LIPT2: variants seen among roughly 807,000 people sequenced by gnomAD.
LIPT2 encodes the protein lipoyl(octanoyl) transferase 2.
LIPT2 carries 16 observed loss-of-function variants against 16.2 expected under a neutral mutation model. That is an observed-to-expected ratio of 0.99 (90% CI 0.67 to 1.50). The LOEUF (loss-of-function observed/expected upper bound fraction) is 1.50, where lower values mean the gene tolerates loss of function less well. Ranked by LOEUF, LIPT2 falls within the 40% of genes most tolerant of loss-of-function variation. The pLI is 0.00. For missense variants in LIPT2, 424 were observed against 347.7 expected (o/e 1.22, Z -1.75); for synonymous variants, 199 against 169.3 (o/e 1.18, Z -1.36).
rs1253630936 is a variant in LIPT2 at position 74,493,241 on chromosome 11, T to C, written c.463A>G (p.Ile155Val). 6 of 1,346,314 alleles carry C rather than the reference T, an allele frequency of 4.5e-6. No individual in the cohort carries two copies. Among genetic ancestry groups the C allele is most frequent in the Non-Finnish European group, 5.7e-6 (6 of 1,050,366 alleles). 83.4% of individuals were successfully genotyped at this position (1,346,314 alleles called of 1,614,324 possible). A position where few individuals can be genotyped will look rare whatever the true frequency, so the allele number is the denominator to read the frequency against. ...CGCCCTGCTCCGCGGCGCTCACCGA[T>C]CGCGCAGATCTTGCGATCGTCTAGC... ...VWLDDRKICA[I>V]GVRCGRHITS... Residue 155 changes from isoleucine (I) to valine (V), a missense_variant, in exon 1 of 2, where the codon ATC (isoleucine) becomes GTC (valine). Transcript: ENST00000310109.
intron 1 of LIPT2, among the ~76,000 whole-genome samples, chr11:74,492,849 G>A (rs1354163626): frequency 1.3e-5 from 2 of 150,312 alleles, no homozygotes; most frequent in Non-Finnish European, 3.0e-5. Context: ...GCTTGCAGTG[G>A]GCCGAGATTG....
Position 74,493,556 on chromosome 11 carries a change from A to G in LIPT2, c.148T>C (p.Cys50Arg). ...GTATACACGGGCCCCGCGGGCTCGC[A>G]GAGCAGGAGCGCGCCCGCCTCAGTC... Reference protein sequence around the residue: ...SGTEAGALLLCEPAGPVYTAG... With the variant: ...SGTEAGALLLREPAGPVYTAG... The change falls in exon 1 of 2, where the codon TGC (cysteine) becomes CGC (arginine). Residue 50 changes from cysteine to arginine, a missense_variant. Coordinates refer to ENST00000310109, the MANE Select transcript of LIPT2 (RefSeq NM_001144869.3). 1 of 1,422,062 alleles carries G rather than the reference A, an allele frequency of 7.0e-7. No homozygotes were observed. Among genetic ancestry groups the G allele is most frequent in the Non-Finnish European group, 9.2e-7 (1 of 1,092,818 alleles). 88.1% of individuals were successfully genotyped at this position (1,422,062 alleles called of 1,614,324 possible).
chr11:74,492,903 CA>C lies in LIPT2; in HGVS notation c.466+334del, dbSNP rs147536336. The stretch of plus-strand genomic sequence containing the variant: ...TGGGTGACAAAGCGAGACTCTGTCT[CA>C]AAAAAAAAAAAAAAAAAAAGTTTGA... On this transcript the variant is annotated intron_variant, in intron 1 of 1. Transcript: ENST00000310109. Among the ~76,000 whole-genome samples the C allele has an allele frequency of 7.0e-3, 728 of 103,422 alleles. 4 individuals carry two copies. The highest frequency in any genetic ancestry group is 0.024 in the Middle Eastern group (5 of 212). 67.8% of individuals were successfully genotyped at this position (103,422 alleles called of 152,430 possible). A position where few individuals can be genotyped will look rare whatever the true frequency, so the allele number is the denominator to read the frequency against.
intron 1 of LIPT2, among the ~76,000 whole-genome samples, chr11:74,492,903 CAAA>C (rs147536336): frequency 1.7e-3 from 172 of 103,470 alleles, no homozygotes; most frequent in Middle Eastern, 4.7e-3. Context: ...GACTCTGTCT[CAAA>C]AAAAAAAAAA....
At chr11:74,493,073 G>A (rs1376937948) in intron 1 of LIPT2, 165 bp downstream of exon 1, 5 of 433,642 alleles carry the variant, frequency 1.2e-5, no homozygotes, top group Non-Finnish European at 1.6e-5. Flanking sequence ...TATCTGAAAA[G>A]GGGCTTAAAA....
rs552113161 is a variant in LIPT2, at chr11:74,492,815, A to G, written c.466+423T>C. ...GCTACTCTGGAGGCTGAGGCAGGAG[A>G]ATGGCGTGAACCCGGGAGGCGGAGC... On this transcript the variant is annotated intron_variant, in intron 1 of 1. Coordinates refer to ENST00000310109, the MANE Select transcript of LIPT2 (RefSeq NM_001144869.3). Among the ~76,000 whole-genome samples, 193 of 151,494 alleles carry G rather than the reference A, an allele frequency of 1.3e-3. 1 individual carries two copies. The highest frequency in any genetic ancestry group is 4.6e-3 in the African/African-American group (189 of 41,274).
chr11:74,491,906 C>A lies in LIPT2; in HGVS notation c.*229G>T, dbSNP rs985784584. 5 of 542,096 alleles carry A rather than the reference C, an allele frequency of 9.2e-6. No individual in the cohort carries two copies. The African/African-American group carries it at 9.5e-5, about 10-fold the overall frequency. 33.6% of individuals were successfully genotyped at this position (542,096 alleles called of 1,614,324 possible). A position where few individuals can be genotyped will look rare whatever the true frequency, so the allele number is the denominator to read the frequency against. On this transcript the variant is annotated 3_prime_UTR_variant, in exon 2 of 2. Transcript: ENST00000310109. ...ATAGCAGTGCTAATGTTTTATATAG[C>A]ATGTGTTGCTTTTCACAGTATTGTC... is the stretch of plus-strand genomic sequence containing the variant.
chr11:74,490,666 G>A lies in LIPT2; in HGVS notation c.*1469C>T. 6.6e-6 allele frequency among the ~76,000 whole-genome samples: 1 copy of A among 152,002 alleles called. No homozygotes were observed. Among genetic ancestry groups the A allele is most frequent in the East Asian group, 1.9e-4 (1 of 5,196 alleles). On this transcript the variant is annotated 3_prime_UTR_variant, in exon 2 of 2. Coordinates refer to ENST00000310109, the MANE Select transcript of LIPT2 (RefSeq NM_001144869.3). The stretch of plus-strand genomic sequence containing the variant: ...CCTTGAGCCCAGGAGTCTGAGACCA[G>A]CTTGGGCAACATAGCAAAGCCTCAT...
chr11:74,493,298 G>C lies in LIPT2; in HGVS notation c.406C>G (p.Arg136Gly), dbSNP rs1864390120. 1.4e-6 allele frequency: 2 copies of C among 1,424,424 alleles called. No individual in the cohort carries two copies. Among genetic ancestry groups the C allele is most frequent in the Admixed American group, 2.8e-5 (1 of 35,416 alleles). 88.2% of individuals were successfully genotyped at this position (1,424,424 alleles called of 1,614,324 possible). Reference protein sequence around the residue: ...LCELQGLQDARARPPPYTGVW... With the variant: ...LCELQGLQDAGARPPPYTGVW... ...CCAGTGTAGGGCGGGGGCCGCGCGC[G>C]GGCGTCCTGCAGGCCCTGGAGCTCG... The change falls in exon 1 of 2, where the codon CGC (arginine) becomes GGC (glycine). Residue 136 changes from arginine to glycine, a missense_variant. Physicochemically the swap from Arg to Gly is moderately radical, Grantham distance 125 (BLOSUM62 -2). Coordinates refer to ENST00000310109, the MANE Select transcript of LIPT2 (RefSeq NM_001144869.3).
rs1459677644 is a variant in LIPT2 at position 74,493,611 on chromosome 11, C to T, written c.93G>A (p.Gln31=). 1.4e-6 allele frequency: 2 copies of T among 1,457,656 alleles called. No homozygotes were observed. Among genetic ancestry groups the T allele is most frequent in the Admixed American group, 2.5e-5 (1 of 39,970 alleles). 90.3% of individuals were successfully genotyped at this position (1,457,656 alleles called of 1,614,324 possible). A position where few individuals can be genotyped will look rare whatever the true frequency, so the allele number is the denominator to read the frequency against. ...GLQDRWLRRL[Q]AEPGIEAPSG... ...ACGGGGCCTCAATGCCTGGCTCGGC[C>T]TGCAGCCGCCGCAGCCAGCGGTCCT... Residue 31 remains glutamine (Q), a synonymous_variant, in exon 1 of 2, where the codon CAG becomes CAA. Transcript: ENST00000310109.
chr11:74,493,162 G>GC, intron 1 of LIPT2, 76 bp downstream of exon 1: 1 of 1,130,646 alleles, frequency 8.8e-7, no homozygotes, highest in Non-Finnish European at 1.2e-6. Flanking sequence ...CGTTGGTCCA[G>GC]CCCCGTCAGA....
At position 74,491,343 on chromosome 11, in the gene LIPT2, G is replaced by A. The variant is rs561054012; in HGVS notation, c.*792C>T. 6.6e-6 allele frequency among the ~76,000 whole-genome samples: 1 copy of A among 152,130 alleles called. No individual in the cohort carries two copies. The highest frequency in any genetic ancestry group is 1.5e-5 in the Non-Finnish European group (1 of 68,026). On this transcript the variant is annotated 3_prime_UTR_variant, in exon 2 of 2. Coordinates refer to ENST00000310109, the MANE Select transcript of LIPT2 (RefSeq NM_001144869.3). ...CCCTAACCTAGAAACACCCAGCTAA[G>A]CTTCCCCCAAATTCCTGACCCACAA...
At position 74,493,121 on chromosome 11, in the gene LIPT2, G is replaced by C. The variant is rs374305228; in HGVS notation, c.466+117C>G. On this transcript the variant is annotated intron_variant, in intron 1 of 1. Transcript: ENST00000310109. ...CGGGTAGCTGTGATTCAAAACCCGC[G>C]CTAGATACGCCTCCTCCCGGCCCTC... 1.3e-5 allele frequency: 9 copies of C among 668,772 alleles called. No homozygotes were observed. The East Asian group carries it at 2.1e-4, about 15-fold the overall frequency. The allele number at this position is 668,772 out of a possible 1,614,324, so 41.4% of individuals were successfully genotyped here. A position where few individuals can be genotyped will look rare whatever the true frequency, so the allele number is the denominator to read the frequency against.
rs982607264 is a variant in LIPT2, at chr11:74,493,696, T to G, written c.8A>C (p.Gln3Pro). 7 of 1,377,560 alleles carry G rather than the reference T, an allele frequency of 5.1e-6. No homozygotes were observed. The East Asian group carries it at 1.5e-4, about 30-fold the overall frequency. The allele number at this position is 1,377,560 out of a possible 1,614,324, so 85.3% of individuals were successfully genotyped here. The change falls in exon 1 of 2, where the codon CAA becomes CCA. Residue 3 changes from glutamine (Q) to proline (P), a missense_variant. Coordinates refer to ENST00000310109, the MANE Select transcript of LIPT2 (RefSeq NM_001144869.3). ...CAGGCGCACCAACCGAACGGCGGGT[T>G]GCCGCATCGTGCCCACCGTTGCGTC... MR[Q>P]PAVRLVRLGR...
rs1163018088 is a variant in LIPT2, at chr11:74,493,229, G to A, written c.466+9C>T. 1 of 1,341,338 alleles carries A rather than the reference G, an allele frequency of 7.5e-7. No homozygotes were observed. The highest frequency in any genetic ancestry group is 9.5e-7 in the Non-Finnish European group (1 of 1,047,472). The allele number at this position is 1,341,338 out of a possible 1,614,324, so 83.1% of individuals were successfully genotyped here. ...GCTCTCAGGTACCGCCCTGCTCCGC[G>A]GCGCTCACCGATCGCGCAGATCTTG... On this transcript the variant is annotated intron_variant, in intron 1 of 1. Coordinates refer to ENST00000310109, the MANE Select transcript of LIPT2 (RefSeq NM_001144869.3).
In LIPT2 at chr11:74,490,891, CT is replaced by C. The variant is rs1864322523; in HGVS notation, c.*1243del. The stretch of plus-strand genomic sequence containing the variant: ...GAGCCAGAACTGGAACCAGGGTCCC[CT>C]GACTTCTCATTCGAGGCTCTTTCCA... On this transcript the variant is annotated 3_prime_UTR_variant, in exon 2 of 2. Transcript: ENST00000310109. Among the ~76,000 whole-genome samples the C allele has an allele frequency of 6.6e-6, 1 of 152,180 alleles. No homozygotes were observed. The highest frequency in any genetic ancestry group is 2.4e-5 in the African/African-American group (1 of 41,436).
At chr11:74,493,141 G>A (rs1337059114) in intron 1 of LIPT2, 97 bp downstream of exon 1, 2 of 884,936 alleles carry the variant, frequency 2.3e-6, no homozygotes, top group South Asian at 3.1e-5. Flanking sequence ...CCTCCTCCCG[G>A]CCCTCACCTC....
In LIPT2 at chr11:74,493,311, G is replaced by GA; in HGVS notation, c.392_393insT (p.Leu132ProfsTer49). Reference sequence around the variant, plus strand: ...GGGGCCGCGCGCGGGCGTCCTGCAGGCCCTGGAGCTCGCACAGGCGCACGG... The same window carrying GA: ...GGGGCCGCGCGCGGGCGTCCTGCAGGACCCTGGAGCTCGCACAGGCGCACGG... On this transcript the variant is annotated frameshift_variant, in exon 1 of 2. Coordinates refer to ENST00000310109, the MANE Select transcript of LIPT2 (RefSeq NM_001144869.3). LOFTEE classifies it high-confidence loss of function. 1 of 1,458,054 alleles carries GA rather than the reference G, an allele frequency of 6.9e-7. No homozygotes were observed. The highest frequency in any genetic ancestry group is 9.0e-7 in the Non-Finnish European group (1 of 1,107,988). The allele number at this position is 1,458,054 out of a possible 1,614,324, so 90.3% of individuals were successfully genotyped here.
Position 74,493,322 on chromosome 11 carries a change from C to T in LIPT2, c.382G>A (p.Glu128Lys). 6.8e-7 allele frequency: 1 copy of T among 1,470,516 alleles called. No homozygotes were observed. Among genetic ancestry groups the T allele is most frequent in the Non-Finnish European group, 9.0e-7 (1 of 1,114,470 alleles). 91.1% of individuals were successfully genotyped at this position (1,470,516 alleles called of 1,614,324 possible). Residue 128 changes from glutamate (E) to lysine (K), a missense_variant, in exon 1 of 2, where the codon GAG becomes AAG. Physicochemically the swap from Glu to Lys is moderately conservative, Grantham distance 56. Coordinates refer to ENST00000310109, the MANE Select transcript of LIPT2 (RefSeq NM_001144869.3). ...SLEACAVRLC[E>K]LQGLQDARAR... is the part of the protein sequence containing the mutation. ...CGGGCGTCCTGCAGGCCCTGGAGCT[C>T]GCACAGGCGCACGGCGCACGCCTCC...
Sources: gnomAD v4.1 joint callset for allele counts (sites outside exome capture counted in the v4.1 genomes callset) on GRCh38, gnomAD v4.1.1 for gene constraint, MANE v1.5 for transcripts, NCBI Gene and HGNC (gene_info 2026-07-23, HGNC 2026-07-21) for gene names.